Variants in FAM178B observed in about 807,000 individuals in gnomAD.
FAM178B encodes protein FAM178B.
A neutral mutation model predicts 91.7 loss-of-function variants in FAM178B; 82 were observed. That is an observed-to-expected ratio of 0.89 (90% CI 0.75 to 1.07). FAM178B has a LOEUF of 1.07. Among genes scored for constraint, FAM178B ranks in the 50% least tolerant of loss-of-function variants. FAM178B has a pLI of 0.00. For missense variants in FAM178B, 769 were observed against 846.7 expected (o/e 0.91, Z 1.14); for synonymous variants, 368 against 359.4 (o/e 1.02, Z -0.27).
intron 8 of FAM178B, among the ~76,000 whole-genome samples, chr2:96,933,896 G>T (rs1172056913): frequency 6.6e-6 from 1 of 152,132 alleles, no homozygotes; most frequent in Non-Finnish European, 1.5e-5. Context: ...TGGAGTGCGG[G>T]GCTCACAATG....
At chr2:96,904,529 C>A (rs1321147668) in intron 12 of FAM178B, among the ~76,000 whole-genome samples, 1 of 150,936 alleles carries the variant, frequency 6.6e-6, no homozygotes, top group Non-Finnish European at 1.5e-5. Flanking sequence ...GCACGCGCCA[C>A]CATGCCTGGC....
intron 4 of FAM178B, 101 bp downstream of exon 4, chr2:96,970,614 TG>T: frequency 1.1e-6 from 1 of 881,040 alleles, no homozygotes. Flanking sequence ...TGAGTCTGGG[TG>T]GGAGGCCGCT....
chr2:96,902,954 A>G (rs1013266419), intron 12 of FAM178B, among the ~76,000 whole-genome samples: 1 of 152,230 alleles, frequency 6.6e-6, no homozygotes, highest in Non-Finnish European at 1.5e-5. Context: ...AGGCCCACAG[A>G]GCTGGGCTTT....
At chr2:96,913,866 G>T (rs929024679) in intron 12 of FAM178B, among the ~76,000 whole-genome samples, 1 of 152,176 alleles carries the variant, frequency 6.6e-6, no homozygotes, top group Non-Finnish European at 1.5e-5. Flanking sequence ...CCTGGGTCTC[G>T]CTCCCAGAGG....
chr2:96,890,177 A>G (rs1281421645), intron 14 of FAM178B, among the ~76,000 whole-genome samples: 1 of 152,162 alleles, frequency 6.6e-6, no homozygotes, highest in Non-Finnish European at 1.5e-5. Context: ...TGGGAGTCTC[A>G]GGCACGAGAA....
chr2:96,956,671 G>C (rs1730127), intron 6 of FAM178B: 101,801 of 152,028 alleles, frequency 0.67, 35,675 homozygotes, highest in Middle Eastern at 0.79. Flanking sequence ...GGAATATAAA[G>C]GTGGTATAAC....
intron 8 of FAM178B, among the ~76,000 whole-genome samples, chr2:96,933,115 C>T (rs1296274039): frequency 2.2e-5 from 3 of 138,278 alleles, no homozygotes; most frequent in South Asian, 4.8e-4. Flanking sequence ...TGGTAGTGCA[C>T]GCCTGTAATC....
chr2:96,964,916 C>G (rs1559100674), intron 5 of FAM178B, among the ~76,000 whole-genome samples: 1 of 152,158 alleles, frequency 6.6e-6, no homozygotes, highest in Admixed American at 6.5e-5. Context: ...CTCCTTGTGG[C>G]TGCCAAATGC....
At chr2:96,917,882 T>C (rs2081268013) in intron 12 of FAM178B, among the ~76,000 whole-genome samples, 1 of 151,956 alleles carries the variant, frequency 6.6e-6, no homozygotes, top group Non-Finnish European at 1.5e-5. Context: ...GGCAGAAAAA[T>C]TGACGTTGGG....
At chr2:96,954,663 T>G (rs1204793384) in intron 6 of FAM178B, among the ~76,000 whole-genome samples, 2 of 152,280 alleles carry the variant, frequency 1.3e-5, no homozygotes, top group African/African-American at 2.4e-5. Flanking sequence ...GCCAAGTTAC[T>G]CAAATCAGTC....
intron 1 of FAM178B, chr2:96,977,786 A>G: frequency 2.2e-6 from 1 of 455,926 alleles, no homozygotes; most frequent in Non-Finnish European, 4.4e-6. Context: ...CTAACAATGT[A>G]AGAGCCCACT....
chr2:96,914,685 C>A (rs1204831244), intron 12 of FAM178B, among the ~76,000 whole-genome samples: 1 of 152,098 alleles, frequency 6.6e-6, no homozygotes, highest in Non-Finnish European at 1.5e-5. Context: ...GCCCAGGGGT[C>A]TAAGACCAGG....
chr2:96,913,533 T>C (rs7591775), intron 12 of FAM178B, among the ~76,000 whole-genome samples: 28,996 of 151,794 alleles, frequency 0.19, 3,732 homozygotes, highest in African/African-American at 0.37. Context: ...GAAACGAGGG[T>C]TTCGAGGGAA....
intron 12 of FAM178B, among the ~76,000 whole-genome samples, chr2:96,908,394 A>G (rs993651183): frequency 1.3e-5 from 2 of 152,190 alleles, no homozygotes; most frequent in African/African-American, 4.8e-5. Context: ...CATTTATATA[A>G]ATGTTTAAAA....
chr2:96,923,316 A>C (rs910190949), intron 10 of FAM178B, among the ~76,000 whole-genome samples, 174 bp downstream of exon 10: 1 of 152,222 alleles, frequency 6.6e-6, no homozygotes, highest in African/African-American at 2.4e-5. Flanking sequence ...GGCCTAGATC[A>C]GGACCCGTGT....
At chr2:96,955,043 C>T (rs1367565993) in intron 6 of FAM178B, among the ~76,000 whole-genome samples, 1 of 152,046 alleles carries the variant, frequency 6.6e-6, no homozygotes, top group Admixed American at 6.6e-5. Context: ...GAGCATGGGC[C>T]TGACTAAAAA....
chr2:96,982,004 T>C (rs1213323843), intron 1 of FAM178B, among the ~76,000 whole-genome samples: 3 of 151,950 alleles, frequency 2.0e-5, no homozygotes, highest in East Asian at 1.9e-4. Context: ...GAGGTCAAGG[T>C]TGCAGTGAGC....
At chr2:96,896,447 A>C (rs1038717986) in intron 13 of FAM178B, among the ~76,000 whole-genome samples, 1 of 152,006 alleles carries the variant, frequency 6.6e-6, no homozygotes, top group African/African-American at 2.4e-5. Flanking sequence ...CCTTGCAGGA[A>C]CCAGCGGGGA....
intron 13 of FAM178B, among the ~76,000 whole-genome samples, chr2:96,899,495 C>T (rs1373753191): frequency 6.6e-6 from 1 of 152,010 alleles, no homozygotes; most frequent in Non-Finnish European, 1.5e-5. Flanking sequence ...AGACCCTGGC[C>T]CCTGGGGAGC....
Sources: allele counts gnomAD v4.1 joint callset (sites outside exome capture counted in the v4.1 genomes callset), GRCh38; gene constraint gnomAD v4.1.1; transcripts MANE v1.5; gene names NCBI Gene and HGNC (gene_info 2026-07-23, HGNC 2026-07-21).